ARHGAP22: variants seen among roughly 807,000 people sequenced by gnomAD.
ARHGAP22 encodes the protein Rho GTPase activating protein 22.
ARHGAP22 carries 48 observed loss-of-function variants against 59.1 expected under a neutral mutation model. The ratio of observed to expected loss-of-function variants is 0.81; its 90% CI spans 0.64 to 1.03. The LOEUF (loss-of-function observed/expected upper bound fraction) is 1.03. ARHGAP22 is among the 50% of genes least tolerant of loss of function. The pLI is 0.00. For synonymous variants in ARHGAP22, 445 were observed against 416.4 expected, an observed-to-expected ratio of 1.07 and a Z score of -0.84; for missense variants, 1,015 against 958.7, an observed-to-expected ratio of 1.06 and a Z score of -0.78.
At chr10:48,563,450 A>G (rs2057840845) in intron 2 of ARHGAP22, among the ~76,000 whole-genome samples, 1 of 152,152 alleles carries the variant, frequency 6.6e-6, no homozygotes, top group Non-Finnish European at 1.5e-5. Flanking sequence ...TCGGCCTCCC[A>G]AAGTGCTGGG....
chr10:48,463,251 C>T (rs958410348), intron 4 of ARHGAP22, among the ~76,000 whole-genome samples: 3 of 152,226 alleles, frequency 2.0e-5, no homozygotes, highest in African/African-American at 4.8e-5. Flanking sequence ...GGCCCATGCT[C>T]CTCTCATGTG....
intron 4 of ARHGAP22, among the ~76,000 whole-genome samples, chr10:48,465,888 C>T (rs1478480631): frequency 6.6e-6 from 1 of 152,180 alleles, no homozygotes; most frequent in Non-Finnish European, 1.5e-5. Context: ...ATGCAACCAC[C>T]CCACCCTTTG....
At chr10:48,570,234 T>C (rs2067134453) in intron 2 of ARHGAP22, among the ~76,000 whole-genome samples, 1 of 152,200 alleles carries the variant, frequency 6.6e-6, no homozygotes, top group Non-Finnish European at 1.5e-5. Flanking sequence ...AAATACAGCA[T>C]CCCTTTAAAA....
At chr10:48,522,097 C>T (rs576277721) in intron 3 of ARHGAP22, among the ~76,000 whole-genome samples, 1 of 152,382 alleles carries the variant, frequency 6.6e-6, no homozygotes, top group South Asian at 2.1e-4. Context: ...ACTTTGTACA[C>T]TAAGACATCA....
intron 1 of ARHGAP22, among the ~76,000 whole-genome samples, chr10:48,635,587 G>A (rs765662258): frequency 6.6e-6 from 1 of 152,348 alleles, no homozygotes; most frequent in Non-Finnish European, 1.5e-5. Flanking sequence ...GGAGAAAGGG[G>A]GCCGGGTAAC....
intron 3 of ARHGAP22, among the ~76,000 whole-genome samples, chr10:48,518,504 C>A (rs1344123614): frequency 6.6e-6 from 1 of 152,200 alleles, no homozygotes; most frequent in African/African-American, 2.4e-5. Flanking sequence ...AATAGTGACA[C>A]TTAGGCCCAG....
At chr10:48,488,121 C>G (rs2050029849) in intron 3 of ARHGAP22, among the ~76,000 whole-genome samples, 1 of 152,186 alleles carries the variant, frequency 6.6e-6, no homozygotes, top group African/African-American at 2.4e-5. Flanking sequence ...GCTGCTATTG[C>G]TATGTCTTCA....
chr10:48,514,796 CCAA>C (rs2053129124), intron 3 of ARHGAP22, among the ~76,000 whole-genome samples: 1 of 152,106 alleles, frequency 6.6e-6, no homozygotes, highest in South Asian at 2.1e-4. Flanking sequence ...AATAATGGCA[CCAA>C]CGAGTCAGGC....
chr10:48,464,472 T>C (rs1017654028), intron 4 of ARHGAP22, among the ~76,000 whole-genome samples: 4 of 152,206 alleles, frequency 2.6e-5, no homozygotes, highest in Non-Finnish European at 4.4e-5. Context: ...GAGGAGGTGA[T>C]GCTGAAGCCA....
chr10:48,544,238 C>G (rs1194469374), intron 3 of ARHGAP22, among the ~76,000 whole-genome samples: 1 of 152,144 alleles, frequency 6.6e-6, no homozygotes, highest in Non-Finnish European at 1.5e-5. Flanking sequence ...TTCCCTTCTA[C>G]GATCAGATGA....
Position 48,594,937 on chromosome 10 carries a change from T to A in ARHGAP22, c.34+9826A>T, listed in dbSNP as rs543935935. On this transcript the variant is annotated intron_variant, in intron 1 of 9. Transcript: ENST00000249601. ...AGGGTCTCGTTAATAGATTACTGCA[T>A]GTGAATCCTTATCTCAGGGTCTGCT... is the stretch of plus-strand genomic sequence containing the variant. 2.7e-5 allele frequency among the ~76,000 whole-genome samples: 4 copies of A among 146,432 alleles called. No homozygotes were observed. In the East Asian group the frequency reaches 8.5e-4, roughly 31 times the overall value.
At chr10:48,512,998 T>TA (rs1564798013) in intron 3 of ARHGAP22, among the ~76,000 whole-genome samples, 1 of 152,206 alleles carries the variant, frequency 6.6e-6, no homozygotes, top group African/African-American at 2.4e-5. Context: ...TGCAACTTCT[T>TA]AAAAAAGCCC....
chr10:48,530,788 T>C (rs1169160179), intron 3 of ARHGAP22, among the ~76,000 whole-genome samples: 1 of 152,164 alleles, frequency 6.6e-6, no homozygotes. Flanking sequence ...GGCGTGGATG[T>C]GGTGAAAAGC....
intron 1 of ARHGAP22, among the ~76,000 whole-genome samples, chr10:48,629,452 T>C (rs1167414279): frequency 6.6e-6 from 1 of 152,216 alleles, no homozygotes; most frequent in Admixed American, 6.5e-5. Context: ...TTGAGTTGAT[T>C]TTTGTAAAAA....
intron 3 of ARHGAP22, among the ~76,000 whole-genome samples, chr10:48,497,581 C>A (rs1447573114): frequency 6.6e-6 from 1 of 152,120 alleles, no homozygotes; most frequent in African/African-American, 2.4e-5. Flanking sequence ...TGCTGCAGTA[C>A]AAGCTGAGCA....
At position 48,488,820 on chromosome 10, in the gene ARHGAP22, C is replaced by T. The variant is rs564808597; in HGVS notation, c.323-9056G>A. Among the ~76,000 whole-genome samples the T allele has an allele frequency of 1.2e-4, 18 of 152,334 alleles. 1 individual carries two copies. The East Asian group carries it at 1.5e-3, about 13-fold the overall frequency. On this transcript the variant is annotated intron_variant, in intron 3 of 9. Transcript: ENST00000249601. The stretch of plus-strand genomic sequence containing the variant: ...CGAGTGCATGGCTCAATTCTCAAGG[C>T]ATTTTTCTCTCTGTGCAGCTCTTTC...
At chr10:48,504,392 G>A (rs2051858978) in intron 3 of ARHGAP22, among the ~76,000 whole-genome samples, 1 of 152,216 alleles carries the variant, frequency 6.6e-6, no homozygotes, top group Non-Finnish European at 1.5e-5. Flanking sequence ...GGGTGTGTGG[G>A]TGAACAAGGG....
At chr10:48,608,327 T>A (rs2135949596), upstream of ARHGAP22, among the ~76,000 whole-genome samples, 1 of 152,110 alleles carries the variant, frequency 6.6e-6, no homozygotes, top group East Asian at 1.9e-4. Context: ...AGGTGTCCAG[T>A]AGAGGGAGGT....
At chr10:48,457,182 C>T (rs955498237) in intron 5 of ARHGAP22, among the ~76,000 whole-genome samples, 12 of 152,114 alleles carry the variant, frequency 7.9e-5, no homozygotes, top group African/African-American at 2.4e-4. Flanking sequence ...CCCCCGCCCA[C>T]GCCAACACCG....
Sources: gnomAD v4.1 joint callset for allele counts (sites outside exome capture counted in the v4.1 genomes callset) on GRCh38, gnomAD v4.1.1 for gene constraint, MANE v1.5 for transcripts, NCBI Gene and HGNC (gene_info 2026-07-23, HGNC 2026-07-21) for gene names.